The following NLGN1 variants were observed in gnomAD, a reference collection of about 807,000 sequenced individuals.
NLGN1 encodes the protein neuroligin 1.
Under a neutral mutation model 65.5 loss-of-function variants are expected in NLGN1, and 12 were observed. That is an observed-to-expected ratio of 0.18 (90% CI 0.12 to 0.30). The LOEUF is 0.30. NLGN1 is among the 10% of genes least tolerant of loss of function. NLGN1 has a pLI of 1.00. For missense variants in NLGN1, 750 were observed against 1,007.1 expected (o/e 0.74, Z 3.46); for synonymous variants, 350 against 359.5 (o/e 0.97, Z 0.30).
intron 3 of NLGN1, among the ~76,000 whole-genome samples, chr3:173,697,647 C>T (rs1372125043): frequency 6.6e-6 from 1 of 152,034 alleles, no homozygotes; most frequent in Non-Finnish European, 1.5e-5. Context: ...CCTGCCTCAG[C>T]CTCCTGAGTA....
At chr3:173,572,390 G>A (rs749145337) in intron 2 of NLGN1, among the ~76,000 whole-genome samples, 1 of 152,210 alleles carries the variant, frequency 6.6e-6, no homozygotes, top group Non-Finnish European at 1.5e-5. Context: ...CATTATTTTG[G>A]TGTCAGTGTG....
At chr3:173,636,122 G>A (rs1756546372) in intron 3 of NLGN1, among the ~76,000 whole-genome samples, 1 of 152,044 alleles carries the variant, frequency 6.6e-6, no homozygotes, top group Admixed American at 6.6e-5. Context: ...ACTTAACGAT[G>A]GTATTTATCA....
chr3:173,929,680 TTTTTTTTC>T (rs766554215), intron 4 of NLGN1, among the ~76,000 whole-genome samples: 309 of 151,308 alleles, frequency 2.0e-3, no homozygotes, highest in Middle Eastern at 0.017. Context: ...CAATAAGCTT[TTTTTTTTC>T]TTTTTTTCTT....
chr3:173,464,146 A>G (rs1183165737), intron 2 of NLGN1, among the ~76,000 whole-genome samples: 4 of 152,086 alleles, frequency 2.6e-5, no homozygotes, highest in Admixed American at 1.3e-4. Flanking sequence ...CAGCTTCATA[A>G]ATAATAATAA....
chr3:174,106,692 A>C (rs1713891577), intron 4 of NLGN1, among the ~76,000 whole-genome samples: 2 of 151,996 alleles, frequency 1.3e-5, no homozygotes, highest in Non-Finnish European at 2.9e-5. Flanking sequence ...GAACTGGCTC[A>C]CATGATTATG....
intron 4 of NLGN1, among the ~76,000 whole-genome samples, chr3:174,240,782 A>ATGT (rs1192171853): frequency 1.3e-5 from 2 of 152,168 alleles, no homozygotes; most frequent in African/African-American, 4.8e-5. Context: ...GTTCAAGCAC[A>ATGT]TGTTATATGT....
At chr3:174,241,462 G>A (rs1027848974) in intron 4 of NLGN1, among the ~76,000 whole-genome samples, 1 of 150,988 alleles carries the variant, frequency 6.6e-6, no homozygotes, top group Non-Finnish European at 1.5e-5. Flanking sequence ...CTTAGAAGCC[G>A]AGTTTTCTAG....
intron 3 of NLGN1, among the ~76,000 whole-genome samples, chr3:173,770,316 T>TC (rs1459588307): frequency 6.6e-6 from 1 of 152,200 alleles, no homozygotes; most frequent in Non-Finnish European, 1.5e-5. Context: ...GAACTTGGGC[T>TC]ACAGAGGTGA....
chr3:174,059,070 T>C lies in NLGN1; in HGVS notation c.647-216245T>C, dbSNP rs149525598. 9.8e-4 allele frequency among the ~76,000 whole-genome samples: 149 copies of C among 152,260 alleles called. No individual in the cohort carries two copies. In the East Asian group the frequency reaches 0.021, roughly 21 times the overall value. On this transcript the variant is annotated intron_variant, in intron 4 of 6. Transcript: ENST00000457714. ...AGTTTCCCGTTGCTGTTTAATACTTTTCTGAGCTTTCTTCAAGTGTTTGGT... is the reference window on the plus strand; with the variant it reads ...AGTTTCCCGTTGCTGTTTAATACTTCTCTGAGCTTTCTTCAAGTGTTTGGT...
rs550707003 is a variant in NLGN1 at position 174,077,646 on chromosome 3, C to G, written c.647-197669C>G. 5.3e-5 allele frequency among the ~76,000 whole-genome samples: 8 copies of G among 152,194 alleles called. No homozygotes were observed. In the South Asian group the frequency reaches 1.7e-3, roughly 32 times the overall value. ...TCTCGACTCACTGCAGCCTCCGCCT[C>G]CCGGGTTCAAGCATTTCTCCTGCCT... On this transcript the variant is annotated intron_variant, in intron 4 of 6. Coordinates refer to ENST00000457714, the Ensembl canonical transcript of NLGN1.
chr3:174,282,524 A>G (rs1207034691), exon 7 of NLGN1: 3 of 152,212 alleles, frequency 2.0e-5, no homozygotes, highest in African/African-American at 7.2e-5. Context: ...CAATCTCAGT[A>G]GAGTACAACG....
intron 4 of NLGN1, among the ~76,000 whole-genome samples, chr3:173,862,847 A>G (rs1729413844): frequency 1.3e-5 from 2 of 152,202 alleles, no homozygotes; most frequent in Admixed American, 1.3e-4. Context: ...TATTCAGGTA[A>G]GAAGCTACGT....
intron 4 of NLGN1, among the ~76,000 whole-genome samples, chr3:173,939,196 GC>G (rs1166018914): frequency 5.9e-5 from 9 of 152,142 alleles, no homozygotes; most frequent in Non-Finnish European, 7.3e-5. Flanking sequence ...TATATGTATA[GC>G]CCTAAAATTT....
At chr3:173,954,099 A>G (rs946005769) in intron 4 of NLGN1, among the ~76,000 whole-genome samples, 1 of 152,180 alleles carries the variant, frequency 6.6e-6, no homozygotes, top group Non-Finnish European at 1.5e-5. Context: ...TAAAAATGTA[A>G]AATATTATCA....
Position 174,052,233 on chromosome 3 carries a change from G to T in NLGN1, c.647-223082G>T, listed in dbSNP as rs143696864. 1.3e-4 allele frequency among the ~76,000 whole-genome samples: 20 copies of T among 152,152 alleles called. 1 individual carries two copies. Among genetic ancestry groups the T allele is most frequent in the Non-Finnish European group, 2.8e-4 (19 of 67,984 alleles). Reference sequence around the variant, plus strand: ...GGGGGAAAGGCAGGGCATGTGTTGTGTAGGGGAAAACTCAATGCAGCAGTC... The same window carrying T: ...GGGGGAAAGGCAGGGCATGTGTTGTTTAGGGGAAAACTCAATGCAGCAGTC... On this transcript the variant is annotated intron_variant, in intron 4 of 6. Transcript: ENST00000457714.
intron 4 of NLGN1, among the ~76,000 whole-genome samples, chr3:173,827,211 A>G (rs1159450324): frequency 6.6e-6 from 1 of 152,116 alleles, no homozygotes. Flanking sequence ...GCACTGGAGC[A>G]TAGTATATCA....
At position 173,531,128 on chromosome 3, in the gene NLGN1, A is replaced by G. The variant is rs537284043; in HGVS notation, c.-320-73151A>G. ...GTGACACTTACTTTTCTTTAAACTAACATGCACTCCATAAATTTTATGTTT... is the reference window on the plus strand; with the variant it reads ...GTGACACTTACTTTTCTTTAAACTAGCATGCACTCCATAAATTTTATGTTT... On this transcript the variant is annotated intron_variant, in intron 2 of 6. Coordinates refer to ENST00000457714, the Ensembl canonical transcript of NLGN1. 2.0e-5 allele frequency among the ~76,000 whole-genome samples: 3 copies of G among 152,276 alleles called. No individual in the cohort carries two copies. In the South Asian group the frequency reaches 6.2e-4, roughly 32 times the overall value.
At chr3:174,107,322 T>G (rs1714168776) in intron 4 of NLGN1, among the ~76,000 whole-genome samples, 1 of 152,186 alleles carries the variant, frequency 6.6e-6, no homozygotes, top group African/African-American at 2.4e-5. Flanking sequence ...CACTACTCTG[T>G]TCTTCAATTC....
chr3:173,621,295 C>T (rs1327083969), intron 3 of NLGN1, among the ~76,000 whole-genome samples: 3 of 151,968 alleles, frequency 2.0e-5, no homozygotes, highest in Non-Finnish European at 4.4e-5. Flanking sequence ...TGGAATTAAC[C>T]TTGAGTGATG....
Sources: gnomAD v4.1 joint callset for allele counts (sites outside exome capture counted in the v4.1 genomes callset) on GRCh38, gnomAD v4.1.1 for gene constraint, MANE v1.5 for transcripts, NCBI Gene and HGNC (gene_info 2026-07-23, HGNC 2026-07-21) for gene names.